Variants in JMY observed in about 807,000 individuals in gnomAD.
The protein encoded by JMY is junction-mediating and -regulatory protein.
JMY carries 46 observed loss-of-function variants against 103.3 expected under a neutral mutation model. That is an observed-to-expected ratio of 0.45 (90% CI 0.35 to 0.57). JMY has a LOEUF of 0.57. Among genes scored for constraint, JMY ranks in the 20% least tolerant of loss-of-function variants. JMY has a pLI of 0.00. For missense variants in JMY, 1,238 were observed against 1,255.2 expected (o/e 0.99, Z 0.21); for synonymous variants, 526 against 489.3 (o/e 1.07, Z -0.99).
intron 2 of JMY, among the ~76,000 whole-genome samples, chr5:79,288,838 A>G (rs374274883): frequency 6.6e-5 from 10 of 151,962 alleles, no homozygotes; most frequent in African/African-American, 2.4e-4. Flanking sequence ...AGCAAAAGGA[A>G]AGCAGTTTTT....
chr5:79,290,858 T>A (rs936860836), intron 3 of JMY, among the ~76,000 whole-genome samples: 14 of 152,144 alleles, frequency 9.2e-5, no homozygotes, highest in African/African-American at 3.4e-4. Context: ...TGGTGGTGGG[T>A]GCCTGTAATC....
chr5:79,279,283 G>C (rs889561805), intron 2 of JMY, among the ~76,000 whole-genome samples: 1 of 151,884 alleles, frequency 6.6e-6, no homozygotes, highest in African/African-American at 2.4e-5. Context: ...GCAGTGAGCC[G>C]AGATTGCACC....
chr5:79,276,993 T>C (rs938088768), intron 1 of JMY, among the ~76,000 whole-genome samples: 6 of 152,170 alleles, frequency 3.9e-5, no homozygotes, highest in African/African-American at 1.2e-4. Flanking sequence ...TACTTTGGCC[T>C]TCCAAAGTGT....
intron 9 of JMY, among the ~76,000 whole-genome samples, chr5:79,315,298 CAG>C (rs1747183037): frequency 6.6e-6 from 1 of 152,110 alleles, no homozygotes; most frequent in Admixed American, 6.5e-5. Flanking sequence ...CAAAGAAGAA[CAG>C]GGAGTAATCT....
chr5:79,274,377 TG>T (rs1347093736), intron 1 of JMY, among the ~76,000 whole-genome samples: 2 of 152,092 alleles, frequency 1.3e-5, no homozygotes, highest in African/African-American at 4.8e-5. Flanking sequence ...CTTCATTGAT[TG>T]CTTTTTTTAA....
chr5:79,298,612 T>C (rs1270078020), intron 4 of JMY, among the ~76,000 whole-genome samples: 2 of 152,260 alleles, frequency 1.3e-5, no homozygotes, highest in Non-Finnish European at 2.9e-5. Flanking sequence ...AAATATTTCC[T>C]AACACAGCGG....
intron 4 of JMY, among the ~76,000 whole-genome samples, chr5:79,296,428 G>A (rs1746564427): frequency 6.6e-6 from 1 of 152,200 alleles, no homozygotes; most frequent in African/African-American, 2.4e-5. Context: ...AATAGGGCTA[G>A]TTTTGGTTGA....
intron 3 of JMY, 45 bp from the exon 4 acceptor site, chr5:79,291,085 T>C (rs1561306748): frequency 7.3e-7 from 1 of 1,370,304 alleles, no homozygotes. Context: ...GCTTCAGTAT[T>C]AAGTTGTTAT....
intron 1 of JMY, among the ~76,000 whole-genome samples, chr5:79,239,847 G>T (rs1041054020): frequency 6.6e-6 from 1 of 150,950 alleles, no homozygotes; most frequent in African/African-American, 2.4e-5. Context: ...AAGAGAAAAA[G>T]CGACTATCTC....
At chr5:79,260,618 T>A (rs1376511422) in intron 1 of JMY, among the ~76,000 whole-genome samples, 1 of 151,784 alleles carries the variant, frequency 6.6e-6, no homozygotes, top group Non-Finnish European at 1.5e-5. Flanking sequence ...CTCAAACCCT[T>A]GAGCTCAAGT....
chr5:79,296,774 G>A (rs1746575208), intron 4 of JMY, among the ~76,000 whole-genome samples: 1 of 152,202 alleles, frequency 6.6e-6, no homozygotes, highest in Non-Finnish European at 1.5e-5. Context: ...TCTTTTAATA[G>A]TTCCTCTAAT....
At chr5:79,290,878 C>T (rs760850804) in intron 3 of JMY, among the ~76,000 whole-genome samples, 6 of 151,948 alleles carry the variant, frequency 3.9e-5, no homozygotes, top group Non-Finnish European at 7.4e-5. Flanking sequence ...CCCAGCTACT[C>T]GGGAGGCTGA....
intron 1 of JMY, among the ~76,000 whole-genome samples, chr5:79,266,608 A>G (rs1038393425): frequency 6.6e-6 from 1 of 152,156 alleles, no homozygotes; most frequent in South Asian, 2.1e-4. Context: ...AGTTCTTCCA[A>G]CTGTTTTGAA....
intron 6 of JMY, among the ~76,000 whole-genome samples, chr5:79,304,634 C>G (rs1361857799): frequency 1.3e-5 from 2 of 152,138 alleles, no homozygotes; most frequent in African/African-American, 4.8e-5. Flanking sequence ...CATTTGGTGG[C>G]AAAACCAGAC....
chr5:79,320,755 A>G (rs1747424542), intron 10 of JMY, among the ~76,000 whole-genome samples: 1 of 152,238 alleles, frequency 6.6e-6, no homozygotes, highest in South Asian at 2.1e-4. Flanking sequence ...TATTTGACAC[A>G]ATGTAGCCAA....
intron 2 of JMY, chr5:79,284,044 A>ATTAC: frequency 1.8e-6 from 1 of 568,926 alleles, no homozygotes; most frequent in Non-Finnish European, 2.6e-6. Context: ...CAAGGTACAA[A>ATTAC]TTACTTTCTT....
Position 79,306,415 on chromosome 5 carries a change from G to T in JMY, c.1922G>T (p.Arg641Leu), listed in dbSNP as rs369814387. The change falls in exon 7 of 11, where the codon CGC becomes CTC. Residue 641 changes from arginine to leucine, a missense_variant. Arg to Leu is a moderately radical substitution (Grantham distance 102, BLOSUM62 -2). Transcript: ENST00000396137. ...AAACACAATGAAAAAATCCAACAGC[G>T]CACTCGGATTGAAGATGAATATAGA... ...IAKHNEKIQQ[R>L]TRIEDEYRTH... 1 of 1,613,076 alleles carries T rather than the reference G, an allele frequency of 6.2e-7. No individual in the cohort carries two copies.
intron 1 of JMY, among the ~76,000 whole-genome samples, 182 bp downstream of exon 1, chr5:79,237,864 ACT>A (rs1446399192): frequency 7.4e-6 from 1 of 134,598 alleles, no homozygotes; most frequent in Non-Finnish European, 1.6e-5. Context: ...TGCTTAATTG[ACT>A]CTCTGAAGGA....
In JMY at chr5:79,300,825, C is replaced by T. The variant is rs561913921; in HGVS notation, c.1843C>T (p.Arg615Trp). The T allele has an allele frequency of 1.4e-5, 22 of 1,597,578 alleles. No individual in the cohort carries two copies. The highest frequency in any genetic ancestry group is 4.5e-5 in the East Asian group (2 of 44,428). The part of the protein sequence containing the change: ...KARQLEARRG[R>W]VSAKKSYLRN... ...ACGCCAGCTGGAAGCAAGACGTGGA[C>T]GGGTTTCTGCCAAGAAATCCTACCT... is the stretch of plus-strand genomic sequence containing the variant. Residue 615 changes from arginine (R) to tryptophan (W), a missense_variant, in exon 6 of 11, where the codon CGG (arginine) becomes TGG (tryptophan). Arg to Trp is a moderately radical substitution (Grantham distance 101). Coordinates refer to ENST00000396137, the MANE Select transcript of JMY (RefSeq NM_152405.5).
Sources: gnomAD v4.1 joint callset for allele counts (sites outside exome capture counted in the v4.1 genomes callset) on GRCh38, gnomAD v4.1.1 for gene constraint, MANE v1.5 for transcripts, NCBI Gene and HGNC (gene_info 2026-07-23, HGNC 2026-07-21) for gene names.